C2CD5: variants seen among roughly 807,000 people sequenced by gnomAD.
C2CD5 encodes the protein C2 calcium dependent domain containing 5, also known as C2 domain-containing protein 5.
A neutral mutation model predicts 130.3 loss-of-function variants in C2CD5; 109 were observed. That is an observed-to-expected ratio of 0.84 (90% confidence interval 0.72 to 0.98). The LOEUF (loss-of-function observed/expected upper bound fraction) is 0.98. Among genes scored for constraint, C2CD5 ranks in the 50% least tolerant of loss-of-function variants. The probability of loss-of-function intolerance (pLI) is 0.00; values close to 1 mark genes in which losing one functional copy is unlikely to be tolerated. For missense variants in C2CD5, 996 were observed against 1,261.8 expected (o/e 0.79, Z 3.19); for synonymous variants, 454 against 429.2 (o/e 1.06, Z -0.71).
intron 10 of C2CD5, among the ~76,000 whole-genome samples, chr12:22,497,905 C>CAT (rs1491083205): frequency 1.0e-5 from 1 of 99,242 alleles, no homozygotes; most frequent in African/African-American, 4.3e-5. Context: ...CATGCACACA[C>CAT]ATACACACAC....
At chr12:22,478,642 T>G (rs145530158) in intron 14 of C2CD5, among the ~76,000 whole-genome samples, 165 bp from the exon 15 acceptor site, 1 of 152,098 alleles carries the variant, frequency 6.6e-6, no homozygotes, top group Admixed American at 6.6e-5. Context: ...GGTCAGGAGT[T>G]TGAGACCAGC....
In C2CD5 at chr12:22,478,335, T is replaced by A; in HGVS notation, c.1880A>T (p.Glu627Val). The A allele has an allele frequency of 6.2e-7, 1 of 1,612,466 alleles. No homozygotes were observed. The highest frequency in any genetic ancestry group is 8.5e-7 in the Non-Finnish European group (1 of 1,178,622). Residue 627 changes from glutamate to valine, a missense_variant, in exon 15 of 27, where the codon GAG becomes GTG. Transcript: ENST00000446597. ...KINDTIAKNK[E>V]LYEINPPEIS... is the part of the protein sequence containing the mutation. ...TACTGGAGGATTGATTTCATATAAC[T>A]CTTTGTTTTTAGCAATTGTGTCATT...
chr12:22,544,228 G>C, intron 1 of C2CD5, 49 bp from the exon 2 acceptor site: 1 of 1,441,592 alleles, frequency 6.9e-7, no homozygotes, highest in Non-Finnish European at 9.6e-7. Context: ...GCCGGCGGGA[G>C]AGGGGCGGAG....
intron 3 of C2CD5, 108 bp downstream of exon 3, chr12:22,535,150 T>C: frequency 1.5e-6 from 1 of 684,616 alleles, no homozygotes. Context: ...AATATTTTTG[T>C]GATGTAGAAA....
rs1183407636 is a variant in C2CD5, at chr12:22,535,345, C to T, written c.91-1G>A. The T allele has an allele frequency of 6.7e-7, 1 of 1,501,608 alleles. No individual in the cohort carries two copies. Among genetic ancestry groups the T allele is most frequent in the African/African-American group, 1.4e-5 (1 of 72,434 alleles). 93.0% of individuals were successfully genotyped at this position (1,501,608 alleles called of 1,614,324 possible). A position where few individuals can be genotyped will look rare whatever the true frequency, so the allele number is the denominator to read the frequency against. On this transcript the variant is annotated splice_acceptor_variant, in intron 2 of 26. Coordinates refer to ENST00000446597, the MANE Select transcript of C2CD5 (RefSeq NM_001286176.2). LOFTEE classifies it high-confidence loss of function. ...TAAAGGTGGTATTACCAAATTTTAC[C>T]TAAAAACAAATAAGAAATTATTCAC...
intron 3 of C2CD5, among the ~76,000 whole-genome samples, chr12:22,533,842 A>T (rs1951549397): frequency 6.6e-6 from 1 of 152,218 alleles, no homozygotes; most frequent in Non-Finnish European, 1.5e-5. Context: ...TCTCTTCAAC[A>T]AATGTGCCCA....
At chr12:22,459,050 T>C (rs937158172) in intron 23 of C2CD5, among the ~76,000 whole-genome samples, 2 of 152,220 alleles carry the variant, frequency 1.3e-5, no homozygotes, top group Admixed American at 6.5e-5. Flanking sequence ...AAGTTAGTAG[T>C]TGACTTATCT....
chr12:22,520,777 A>G lies in C2CD5; in HGVS notation c.801-2640T>C, dbSNP rs1051632805. On this transcript the variant is annotated intron_variant, in intron 7 of 26. Coordinates refer to ENST00000446597, the MANE Select transcript of C2CD5 (RefSeq NM_001286176.2). ...TACTTAAAAGCACTTTCTATTGTCAAGAGAGTTAAGCTGGAAAACACCAAA... is the reference window on the plus strand; with the variant it reads ...TACTTAAAAGCACTTTCTATTGTCAGGAGAGTTAAGCTGGAAAACACCAAA... 8.4e-4 allele frequency among the ~76,000 whole-genome samples: 128 copies of G among 152,126 alleles called. 14 individuals are homozygous for G. Among genetic ancestry groups the G allele is most frequent in the East Asian group, 1.9e-4 (1 of 5,202 alleles).
intron 10 of C2CD5, among the ~76,000 whole-genome samples, chr12:22,502,072 CTA>C (rs1947873384): frequency 1.3e-5 from 2 of 151,936 alleles, no homozygotes; most frequent in Non-Finnish European, 2.9e-5. Context: ...ACTTTTGACT[CTA>C]AAACACATCA....
At chr12:22,526,112 T>A (rs1467994298) in intron 4 of C2CD5, among the ~76,000 whole-genome samples, 1 of 152,202 alleles carries the variant, frequency 6.6e-6, no homozygotes, top group African/African-American at 2.4e-5. Context: ...ATCATAATAG[T>A]AATGCCAGCT....
chr12:22,483,749 A>G (rs16925002), intron 13 of C2CD5, among the ~76,000 whole-genome samples: 3,176 of 152,272 alleles, frequency 0.021, 106 homozygotes, highest in African/African-American at 0.072. Flanking sequence ...AGGTTGAGAA[A>G]GAGGACAGTG....
intron 3 of C2CD5, among the ~76,000 whole-genome samples, chr12:22,530,017 C>T (rs1467428841): frequency 2.7e-5 from 4 of 147,942 alleles, no homozygotes; most frequent in Non-Finnish European, 4.5e-5. Context: ...CTGCCTGGCA[C>T]GACATTTCTT....
rs1418134486 is a variant in C2CD5, at chr12:22,459,518, T to TTC, written c.2557_2558insGA (p.Asn853ArgfsTer27). ...TCTCTGTGCAGCTGGTATACCTGAG[T>TTC]TAGAACTTGCACTCTCCAGGTGTTC... On this transcript the variant is annotated frameshift_variant, in exon 23 of 27. Coordinates refer to ENST00000446597, the MANE Select transcript of C2CD5 (RefSeq NM_001286176.2). LOFTEE classifies it high-confidence loss of function. The TTC allele has an allele frequency of 6.5e-7, 1 of 1,532,838 alleles. No homozygotes were observed. Among genetic ancestry groups the TTC allele is most frequent in the Non-Finnish European group, 8.7e-7 (1 of 1,144,126 alleles). 95.0% of individuals were successfully genotyped at this position (1,532,838 alleles called of 1,614,324 possible).
chr12:22,487,234 A>G (rs1404388058), intron 12 of C2CD5, among the ~76,000 whole-genome samples: 4 of 152,230 alleles, frequency 2.6e-5, no homozygotes, highest in Non-Finnish European at 4.4e-5. Flanking sequence ...GAGCTTCTGC[A>G]CAGCAAAAGA....
At chr12:22,479,680 A>G (rs1453408555) in intron 14 of C2CD5, among the ~76,000 whole-genome samples, 1 of 152,132 alleles carries the variant, frequency 6.6e-6, no homozygotes, top group African/African-American at 2.4e-5. Flanking sequence ...TTAGATACAG[A>G]TTTATTTTAA....
intron 3 of C2CD5, among the ~76,000 whole-genome samples, chr12:22,533,751 T>A (rs1951543394): frequency 6.6e-6 from 1 of 152,206 alleles, no homozygotes; most frequent in South Asian, 2.1e-4. Flanking sequence ...AGAAGTCCCC[T>A]CAGATCACCA....
At chr12:22,460,916 T>C (rs1174241182) in intron 22 of C2CD5, among the ~76,000 whole-genome samples, 2 of 152,090 alleles carry the variant, frequency 1.3e-5, no homozygotes, top group African/African-American at 4.8e-5. Flanking sequence ...TAGCTAATCC[T>C]GTAACATATA....
chr12:22,505,048 C>T (rs1007009998), intron 10 of C2CD5, among the ~76,000 whole-genome samples: 6 of 152,088 alleles, frequency 3.9e-5, no homozygotes, highest in Non-Finnish European at 7.4e-5. Context: ...AATCCTGACT[C>T]GCACTGTTTT....
intron 9 of C2CD5, among the ~76,000 whole-genome samples, chr12:22,507,330 G>A (rs1948676164): frequency 6.6e-6 from 1 of 152,218 alleles, no homozygotes; most frequent in Non-Finnish European, 1.5e-5. Flanking sequence ...AAGAGAAAGA[G>A]GATAGTGGCA....
Sources: gnomAD v4.1 joint callset for allele counts (sites outside exome capture counted in the v4.1 genomes callset) on GRCh38, gnomAD v4.1.1 for gene constraint, MANE v1.5 for transcripts, NCBI Gene and HGNC (gene_info 2026-07-23, HGNC 2026-07-21) for gene names.